The following NUP153 variants were observed in gnomAD, a reference collection of about 807,000 sequenced individuals.
NUP153 encodes the protein nucleoporin 153, also known as nuclear pore complex protein Nup153.
A neutral mutation model predicts 134.6 loss-of-function variants in NUP153; 27 were observed. The ratio of observed to expected loss-of-function variants is 0.20; its 90% CI spans 0.15 to 0.28. The LOEUF is 0.28. NUP153 is among the 10% of genes least tolerant of loss of function. NUP153 has a pLI of 1.00. For synonymous variants in NUP153, 640 were observed against 623.5 expected (o/e 1.03, Z -0.40); for missense variants, 1,821 against 1,731.3 (o/e 1.05, Z -0.92).
At position 17,698,505 on chromosome 6, in the gene NUP153, G is replaced by A. The variant is rs533017085; in HGVS notation, c.111+7772C>T. On this transcript the variant is annotated intron_variant, in intron 1 of 21. Coordinates refer to ENST00000262077, the MANE Select transcript of NUP153 (RefSeq NM_005124.4). Reference sequence around the variant, plus strand: ...TGTAACCCCAGCACTTTGGGAGGCCGAGGTGGGCGGATCACAAGGTCAGGA... The same window carrying A: ...TGTAACCCCAGCACTTTGGGAGGCCAAGGTGGGCGGATCACAAGGTCAGGA... Among the ~76,000 whole-genome samples the A allele has an allele frequency of 1.9e-4, 29 of 152,242 alleles. 1 individual carries two copies. The South Asian group carries it at 4.6e-3, about 24-fold the overall frequency.
chr6:17,653,609 A>G (rs1382888995), intron 11 of NUP153, among the ~76,000 whole-genome samples: 1 of 152,224 alleles, frequency 6.6e-6, no homozygotes, highest in Non-Finnish European at 1.5e-5. Context: ...GAATGTTCCT[A>G]GTAGCTTTAC....
Position 17,624,807 on chromosome 6 carries a change from G to A in NUP153, c.3928C>T (p.Pro1310Ser), listed in dbSNP as rs776637790. The change falls in exon 20 of 22, where the codon CCC (proline) becomes TCC (serine). Residue 1310 changes from proline (P) to serine (S), a missense_variant. Transcript: ENST00000262077. ...GCTGGACTGGCAGATGGTGCTGAGG[G>A]TCCAGTTCCAAATACAAAGGAGGAT... ...AGSSFVFGTG[P>S]SAPSASPAFG... The A allele has an allele frequency of 1.1e-5, 17 of 1,610,508 alleles. No individual in the cohort carries two copies. The highest frequency in any genetic ancestry group is 8.5e-7 in the Non-Finnish European group (1 of 1,177,726).
Position 17,706,392 on chromosome 6 carries a change from G to T in NUP153, c.-5C>A. 1.2e-6 allele frequency: 2 copies of T among 1,609,154 alleles called. No homozygotes were observed. On this transcript the variant is annotated 5_prime_UTR_variant, in exon 1 of 22. Coordinates refer to ENST00000262077, the MANE Select transcript of NUP153 (RefSeq NM_005124.4). The surrounding 1 kb of genome is among the most constrained non-coding windows in gnomAD (Gnocchi z 5.9). ...TCCTCCGGCTCCCGAGGCCATGGCG[G>T]AGCCTCCGCCGCTTCCCGCTCCGGG...
At chr6:17,654,912 A>G (rs1169882484) in intron 11 of NUP153, among the ~76,000 whole-genome samples, 2 of 152,192 alleles carry the variant, frequency 1.3e-5, no homozygotes, top group Non-Finnish European at 2.9e-5. Flanking sequence ...GAAATCTTAC[A>G]GACATGAACA....
At chr6:17,658,223 C>G (rs1033143001) in intron 11 of NUP153, among the ~76,000 whole-genome samples, 4 of 152,142 alleles carry the variant, frequency 2.6e-5, no homozygotes, top group African/African-American at 9.7e-5. Context: ...ATGGTGAAAC[C>G]CTGTCTCGCT....
intron 2 of NUP153, among the ~76,000 whole-genome samples, chr6:17,682,676 C>T (rs1207494033): frequency 6.6e-6 from 1 of 152,078 alleles, no homozygotes; most frequent in African/African-American, 2.4e-5. Context: ...CCCAGCACTT[C>T]GGGAGGCTGA....
chr6:17,628,641 A>C lies in NUP153; in HGVS notation c.3544+14T>G. On this transcript the variant is annotated intron_variant, in intron 18 of 21. Transcript: ENST00000262077. The surrounding 1 kb of genome is among the most constrained non-coding windows in gnomAD (Gnocchi z 5.4). ...AAAAAATAATAATAATAATAATAAA[A>C]AGTTAATACTTACCAGCTGTAGTAC... 7.8e-7 allele frequency: 1 copy of C among 1,285,250 alleles called. No homozygotes were observed. The highest frequency in any genetic ancestry group is 9.9e-7 in the Non-Finnish European group (1 of 1,006,008). 79.6% of individuals were successfully genotyped at this position (1,285,250 alleles called of 1,614,324 possible).
chr6:17,697,879 T>C (rs1305488973), intron 1 of NUP153, among the ~76,000 whole-genome samples: 1 of 152,178 alleles, frequency 6.6e-6, no homozygotes, highest in Non-Finnish European at 1.5e-5. Context: ...TTATAAACCT[T>C]TTCACAGGAA....
intron 14 of NUP153, among the ~76,000 whole-genome samples, chr6:17,641,944 A>G (rs1249592076): frequency 1.3e-5 from 2 of 152,340 alleles, no homozygotes; most frequent in South Asian, 2.1e-4. Flanking sequence ...CTACAATTCT[A>G]CTTCTGAGAA....
chr6:17,669,976 T>G (rs1207357412), intron 5 of NUP153, among the ~76,000 whole-genome samples: 1 of 151,148 alleles, frequency 6.6e-6, no homozygotes, highest in African/African-American at 2.4e-5. Flanking sequence ...GTGCCTGCAG[T>G]CCCAGCTACT....
In NUP153 at chr6:17,688,431, C is replaced by T. The variant is rs774310922; in HGVS notation, c.299G>A (p.Arg100Lys). Residue 100 changes from arginine to lysine, a missense_variant, in exon 2 of 22, where the codon AGA becomes AAA. By Grantham distance (26) the Arg-to-Lys change is conservative (BLOSUM62 2). Coordinates refer to ENST00000262077, the MANE Select transcript of NUP153 (RefSeq NM_005124.4). ...DEESSNITDG[R>K]ITPEPAVSNT... Reference sequence around the variant, plus strand: ...ACTGACTGCTGGCTCAGGTGTGATTCTCCCATCAGTAATATTAGAGCTCTC... The same window carrying T: ...ACTGACTGCTGGCTCAGGTGTGATTTTCCCATCAGTAATATTAGAGCTCTC... The T allele has an allele frequency of 6.2e-7, 1 of 1,614,052 alleles. No homozygotes were observed. Among genetic ancestry groups the T allele is most frequent in the African/African-American group, 1.3e-5 (1 of 75,042 alleles).
chr6:17,704,546 T>A (rs1417349386), intron 1 of NUP153, among the ~76,000 whole-genome samples: 1 of 152,098 alleles, frequency 6.6e-6, no homozygotes, highest in Non-Finnish European at 1.5e-5. Context: ...TGCTCGCAAA[T>A]ACCCCTTTTC....
At chr6:17,631,237 A>C (rs1441224219) in intron 17 of NUP153, among the ~76,000 whole-genome samples, 1 of 99,716 alleles carries the variant, frequency 1.0e-5, no homozygotes, top group Non-Finnish European at 2.8e-5. Flanking sequence ...GATTTCAATC[A>C]TATAGACATA....
At chr6:17,633,792 T>C (rs376986136) in intron 16 of NUP153, among the ~76,000 whole-genome samples, 7 of 152,192 alleles carry the variant, frequency 4.6e-5, no homozygotes, top group South Asian at 2.1e-4. Flanking sequence ...ACCTCTTCCA[T>C]AGTTACCTAA....
intron 1 of NUP153, among the ~76,000 whole-genome samples, chr6:17,704,971 T>C (rs1252125706): frequency 2.6e-5 from 4 of 152,182 alleles, no homozygotes; most frequent in Non-Finnish European, 4.4e-5. Context: ...CGTCTCTGGA[T>C]GGTCTGGATC....
intron 1 of NUP153, among the ~76,000 whole-genome samples, chr6:17,695,619 T>C (rs750217813): frequency 6.6e-6 from 1 of 152,200 alleles, no homozygotes; most frequent in East Asian, 1.9e-4. Context: ...ACACAGAATA[T>C]GTGTTTATGA....
chr6:17,632,905 T>G, intron 16 of NUP153, 61 bp from the exon 17 acceptor site: 1 of 1,297,824 alleles, frequency 7.7e-7, no homozygotes, highest in Non-Finnish European at 1.0e-6. Flanking sequence ...TAATTTACAG[T>G]ATGTCAGTAT....
chr6:17,680,393 G>T lies in NUP153; in HGVS notation c.335-4623C>A, dbSNP rs1768506444. Reference sequence around the variant, plus strand: ...CTTCATTAAATGGTTTTGGAAAACTGGATATCCACATGAAAAAGAATGAAC... The same window carrying T: ...CTTCATTAAATGGTTTTGGAAAACTTGATATCCACATGAAAAAGAATGAAC... On this transcript the variant is annotated intron_variant, in intron 2 of 21. Transcript: ENST00000262077. The surrounding 1 kb of genome is among the most constrained non-coding windows in gnomAD (Gnocchi z 4.5). Among the ~76,000 whole-genome samples, 1 of 152,074 alleles carries T rather than the reference G, an allele frequency of 6.6e-6. No individual in the cohort carries two copies. The highest frequency in any genetic ancestry group is 1.5e-5 in the Non-Finnish European group (1 of 68,022).
intron 5 of NUP153, among the ~76,000 whole-genome samples, chr6:17,670,674 A>C (rs1767852550): frequency 6.6e-6 from 1 of 152,152 alleles, no homozygotes; most frequent in African/African-American, 2.4e-5. Context: ...AGGTAGAAGG[A>C]TCTCAACTAT....
Sources: gnomAD v4.1 joint callset for allele counts (sites outside exome capture counted in the v4.1 genomes callset) on GRCh38, gnomAD v4.1.1 for gene constraint, Gnocchi (gnomAD v3.1) non-coding constraint, MANE v1.5 for transcripts, NCBI Gene and HGNC (gene_info 2026-07-23, HGNC 2026-07-21) for gene names.